The following MRPL45 variants were observed in gnomAD, a reference collection of about 807,000 sequenced individuals.
MRPL45 encodes the protein mitochondrial ribosomal protein L45, also known as large ribosomal subunit protein mL45.
MRPL45 carries 20 observed loss-of-function variants against 38.1 expected under a neutral mutation model. The ratio of observed to expected loss-of-function variants is 0.53; its 90% confidence interval spans 0.37 to 0.76. MRPL45 has a LOEUF of 0.76. MRPL45 is among the 30% of genes least tolerant of loss of function. MRPL45 has a pLI of 0.00. For missense variants in MRPL45, 337 were observed against 395.6 expected (o/e 0.85, Z 1.26); for synonymous variants, 105 against 128.8 (o/e 0.82, Z 1.25).
intron 4 of MRPL45, among the ~76,000 whole-genome samples, chr17:38,309,724 G>T (rs574761245): frequency 0.02 from 3,070 of 151,554 alleles, 107 homozygotes; most frequent in African/African-American, 0.068. Context: ...CTCCCAAAAT[G>T]CTGGGATTAT....
intron 4 of MRPL45, among the ~76,000 whole-genome samples, chr17:38,315,291 GC>G (rs1366763628): frequency 6.6e-6 from 1 of 152,024 alleles, no homozygotes; most frequent in Non-Finnish European, 1.5e-5. Context: ...CACTTTTTCA[GC>G]CAGGCTGGAG....
At chr17:38,303,952 T>C (rs1191742270) in intron 3 of MRPL45, among the ~76,000 whole-genome samples, 1 of 152,118 alleles carries the variant, frequency 6.6e-6, no homozygotes, top group Non-Finnish European at 1.5e-5. Context: ...ATTGCCTCCC[T>C]CTTACGTTGT....
At chr17:38,319,013 ATTTATTTATTTATTT>A (rs2037204162) in intron 5 of MRPL45, among the ~76,000 whole-genome samples, 2 of 141,070 alleles carry the variant, frequency 1.4e-5, no homozygotes, top group African/African-American at 5.5e-5. Flanking sequence ...TTATTTATTT[ATTTATTTATTTATTT>A]ATTTATTTAT....
At chr17:38,314,870 C>T (rs1014452751) in intron 4 of MRPL45, among the ~76,000 whole-genome samples, 1 of 152,160 alleles carries the variant, frequency 6.6e-6, no homozygotes, top group African/African-American at 2.4e-5. Context: ...CACAGCCAGG[C>T]GTGGTGGCTA....
At chr17:38,309,706 A>C (rs2037091939) in intron 4 of MRPL45, among the ~76,000 whole-genome samples, 1 of 150,612 alleles carries the variant, frequency 6.6e-6, no homozygotes, top group Non-Finnish European at 1.5e-5. Flanking sequence ...CAATCCTTCC[A>C]CCTCAGACTC....
intron 5 of MRPL45, among the ~76,000 whole-genome samples, chr17:38,319,150 C>T (rs2037206412): frequency 6.6e-6 from 1 of 151,898 alleles, no homozygotes. Context: ...ATTCTCCTGC[C>T]TCAGCCTCTT....
intron 4 of MRPL45, among the ~76,000 whole-genome samples, chr17:38,310,671 G>C (rs2037103494): frequency 6.6e-6 from 1 of 151,992 alleles, no homozygotes; most frequent in Non-Finnish European, 1.5e-5. Flanking sequence ...TGTCACTCAG[G>C]CTAGAGTACA....
At chr17:38,315,517 C>T (rs765168930) in intron 4 of MRPL45, among the ~76,000 whole-genome samples, 6 of 151,890 alleles carry the variant, frequency 4.0e-5, no homozygotes, top group Non-Finnish European at 8.8e-5. Context: ...GATCCTCTTG[C>T]CTCTGCCTCC....
intron 3 of MRPL45, among the ~76,000 whole-genome samples, chr17:38,301,773 A>G (rs2036998421): frequency 6.6e-6 from 1 of 152,176 alleles, no homozygotes; most frequent in Non-Finnish European, 1.5e-5. Flanking sequence ...CTGATCGCAC[A>G]CAAATAATTA....
intron 4 of MRPL45, among the ~76,000 whole-genome samples, chr17:38,316,677 G>A (rs1232315464): frequency 3.5e-5 from 5 of 144,712 alleles, no homozygotes; most frequent in South Asian, 4.3e-4. Flanking sequence ...GTGTGGTGGC[G>A]TGCACCTGTA....
At chr17:38,301,790 T>C (rs1429102023) in intron 3 of MRPL45, among the ~76,000 whole-genome samples, 1 of 151,902 alleles carries the variant, frequency 6.6e-6, no homozygotes, top group Non-Finnish European at 1.5e-5. Flanking sequence ...ATTATAGGTG[T>C]AGTGAAGTAG....
intron 6 of MRPL45, among the ~76,000 whole-genome samples, chr17:38,321,543 T>G (rs1027664112): frequency 3.3e-5 from 5 of 151,766 alleles, no homozygotes; most frequent in Admixed American, 6.6e-5. Flanking sequence ...ATAGAAAAAT[T>G]GGCCGGGCAT....
Position 38,322,293 on chromosome 17 carries a change from C to T in MRPL45, c.828C>T (p.Ile276=), listed in dbSNP as rs760780987. 3.7e-6 allele frequency: 6 copies of T among 1,613,790 alleles called. No homozygotes were observed. In the Admixed American group the frequency reaches 6.7e-5, roughly 18 times the overall value. ...VPPWAPPKQP[I]LKTVMIPGPQ... ...CATGGGCACCCCCTAAGCAGCCCATCCTTAAGGTAAGGTGGCTTGCATGGT... is the reference window on the plus strand; with the variant it reads ...CATGGGCACCCCCTAAGCAGCCCATTCTTAAGGTAAGGTGGCTTGCATGGT... The change falls in exon 7 of 8, where the codon ATC becomes ATT. Residue 276 remains isoleucine, a synonymous_variant. Transcript: ENST00000613675.
chr17:38,315,738 TTTTC>T (rs1171835103), intron 4 of MRPL45, among the ~76,000 whole-genome samples: 3 of 151,838 alleles, frequency 2.0e-5, no homozygotes, highest in South Asian at 4.1e-4. Context: ...CATTATTTCT[TTTTC>T]TTTCTTTTTT....
chr17:38,306,486 T>G lies in MRPL45; in HGVS notation c.363-47T>G, dbSNP rs371999657. 285 of 1,491,744 alleles carry G rather than the reference T, an allele frequency of 1.9e-4. No individual in the cohort carries two copies. In the African/African-American group the frequency reaches 3.8e-3, roughly 20 times the overall value. The allele number at this position is 1,491,744 out of a possible 1,614,324, so 92.4% of individuals were successfully genotyped here. A position where few individuals can be genotyped will look rare whatever the true frequency, so the allele number is the denominator to read the frequency against. ...GGAGGTCAGTGTAGGCTGTGAATTA[T>G]GGAATTGTAAGACCTTTAGAAGTAA... On this transcript the variant is annotated intron_variant, in intron 3 of 7. Coordinates refer to ENST00000613675, the MANE Select transcript of MRPL45 (RefSeq NM_032351.6).
intron 4 of MRPL45, among the ~76,000 whole-genome samples, chr17:38,313,885 A>G (rs1017867892): frequency 1.1e-4 from 16 of 151,330 alleles, no homozygotes; most frequent in Admixed American, 9.2e-4. Context: ...CTGGTCTCGA[A>G]CTCCTGACCT....
chr17:38,304,264 T>A (rs145714847), intron 3 of MRPL45, among the ~76,000 whole-genome samples: 1 of 151,910 alleles, frequency 6.6e-6, no homozygotes, highest in Non-Finnish European at 1.5e-5. Flanking sequence ...TGAGCAGGAG[T>A]TGAATACCAG....
At chr17:38,302,065 C>T (rs1240117215) in intron 3 of MRPL45, among the ~76,000 whole-genome samples, 3 of 136,588 alleles carry the variant, frequency 2.2e-5, no homozygotes, top group South Asian at 4.5e-4. Context: ...TGCAGTGAGC[C>T]GAGATTGCAC....
intron 4 of MRPL45, among the ~76,000 whole-genome samples, chr17:38,308,587 C>T (rs1001768648): frequency 9.9e-5 from 15 of 152,098 alleles, no homozygotes; most frequent in Non-Finnish European, 1.6e-4. Context: ...ATTACAGGCA[C>T]GCACCACCAC....
Sources: gnomAD v4.1 joint callset for allele counts (sites outside exome capture counted in the v4.1 genomes callset) on GRCh38, gnomAD v4.1.1 for gene constraint, MANE v1.5 for transcripts, NCBI Gene and HGNC (gene_info 2026-07-23, HGNC 2026-07-21) for gene names.